ZNF138: variants seen among roughly 807,000 people sequenced by gnomAD.
The protein encoded by ZNF138 is zinc finger protein 138 (clone pHZ-32).
In ZNF138, 33 loss-of-function variants were observed where a neutral mutation model predicts 33.0. The observed-to-expected ratio is 1.00, with a 90% confidence interval of 0.76 to 1.34. ZNF138 has a LOEUF of 1.34. Ranked by LOEUF, ZNF138 falls within the 40% of genes most tolerant of loss-of-function variation. The pLI is 0.00. For synonymous variants in ZNF138, 139 were observed against 120.4 expected, an observed-to-expected ratio of 1.15 and a Z score of -1.01; for missense variants, 360 against 370.8, an observed-to-expected ratio of 0.97 and a Z score of 0.24.
rs979256869 is a variant in ZNF138, at chr7:64,832,957, C to T, written c.*755C>T. On this transcript the variant is annotated 3_prime_UTR_variant, in exon 4 of 4. Transcript: ENST00000307355. ...TGTGGCAGTTGTTTTAACTAGTTCT[C>T]GAACTTTACTATGCATAAGAAAATT... 5.6e-5 allele frequency: 22 copies of T among 390,316 alleles called. No individual in the cohort carries two copies. The highest frequency in any genetic ancestry group is 3.7e-4 in the South Asian group (18 of 48,628). The allele number at this position is 390,316 out of a possible 1,614,324, so 24.2% of individuals were successfully genotyped here.
downstream of ZNF138, chr7:64,835,972 C>T (rs1790354676): frequency 6.6e-6 from 1 of 152,184 alleles, no homozygotes; most frequent in Non-Finnish European, 1.5e-5. Context: ...TAGGGTCAGG[C>T]TAGGGATGAG....
At chr7:64,853,278 A>G in the ZNF138 span, 2 of 1,611,874 alleles carry the variant, frequency 1.2e-6, no homozygotes, top group African/African-American at 2.7e-5. Flanking sequence ...TGTGCCCTTC[A>G]GTTCAGTGAA....
rs556121086 is a variant in ZNF138, at chr7:64,827,393, C to T, written c.209-4058C>T. Reference sequence around the variant, plus strand: ...CCGAGTAGCTGGGACTACAGGCACCCGCCACCACGCCTGGCTAATTTTTTG... The same window carrying T: ...CCGAGTAGCTGGGACTACAGGCACCTGCCACCACGCCTGGCTAATTTTTTG... On this transcript the variant is annotated intron_variant, in intron 3 of 3. Transcript: ENST00000307355. Among the ~76,000 whole-genome samples, 7 of 152,070 alleles carry T rather than the reference C, an allele frequency of 4.6e-5. No individual in the cohort carries two copies. The East Asian group carries it at 7.8e-4, about 17-fold the overall frequency.
At chr7:64,830,829 T>G in intron 3 of ZNF138, 6 of 1,218,856 alleles carry the variant, frequency 4.9e-6, no homozygotes, top group Non-Finnish European at 6.6e-6. Flanking sequence ...CTTTCAGACA[T>G]GTTCTTAGGA....
intron 1 of ZNF138, among the ~76,000 whole-genome samples, chr7:64,812,357 G>A (rs1404109996): frequency 1.3e-5 from 2 of 151,728 alleles, no homozygotes; most frequent in African/African-American, 2.4e-5. Flanking sequence ...AGAAGGTTTC[G>A]CCATGTTGGC....
At position 64,821,571 on chromosome 7, in the gene ZNF138, C is replaced by T. The variant is rs935624791; in HGVS notation, c.208+5918C>T. ...TTTTTGTTTGTTTGTTTTCGAGACA[C>T]AGTCTCACTTTGTTGCCCAGGCTAG... On this transcript the variant is annotated intron_variant, in intron 3 of 3. Transcript: ENST00000307355. Among the ~76,000 whole-genome samples, 16 of 151,366 alleles carry T rather than the reference C, an allele frequency of 1.1e-4. 1 individual carries two copies. The highest frequency in any genetic ancestry group is 3.9e-4 in the African/African-American group (16 of 40,784).
At chr7:64,803,781 A>G (rs1021297942) in intron 1 of ZNF138, among the ~76,000 whole-genome samples, 1 of 140,338 alleles carries the variant, frequency 7.1e-6, no homozygotes, top group Admixed American at 7.1e-5. Context: ...TAAATAGTAC[A>G]TTAAAATTAT....
chr7:64,817,195 A>T (rs10282236), intron 3 of ZNF138, among the ~76,000 whole-genome samples: 4 of 152,282 alleles, frequency 2.6e-5, no homozygotes, highest in East Asian at 3.9e-4. Flanking sequence ...AGTCATTGAA[A>T]TGCTTCAGGG....
At chr7:64,831,027 G>A (rs118016824) in intron 3 of ZNF138, 17,577 of 1,551,822 alleles carry the variant, frequency 0.011, 404 homozygotes, top group Admixed American at 0.1. Flanking sequence ...TATGTCATGG[G>A]AAACAGAAAC....
the ZNF138 span, among the ~76,000 whole-genome samples, chr7:64,848,566 A>T: frequency 6.6e-6 from 1 of 150,490 alleles, no homozygotes. Flanking sequence ...TATTTTTTTT[A>T]TTTTCCTAAG....
At chr7:64,822,312 T>A (rs1171462277) in intron 3 of ZNF138, among the ~76,000 whole-genome samples, 1 of 151,658 alleles carries the variant, frequency 6.6e-6, no homozygotes, top group Non-Finnish European at 1.5e-5. Flanking sequence ...CTAGTGTAGT[T>A]CAATTTTTCT....
the ZNF138 span, among the ~76,000 whole-genome samples, chr7:64,842,252 C>T: frequency 1.5e-4 from 23 of 152,116 alleles, no homozygotes; most frequent in African/African-American, 5.3e-4. Context: ...TTAGTACAGA[C>T]GTGGTTTCAC....
At chr7:64,821,951 C>T (rs1391609808) in intron 3 of ZNF138, among the ~76,000 whole-genome samples, 3 of 120,370 alleles carry the variant, frequency 2.5e-5, no homozygotes, top group Non-Finnish European at 4.8e-5. Flanking sequence ...CAGAGTCTGG[C>T]TCCGTCACCC....
At chr7:64,831,008 TC>T (rs1451618908) in intron 3 of ZNF138, 1 of 1,551,830 alleles carries the variant, frequency 6.4e-7, no homozygotes, top group African/African-American at 1.4e-5. Context: ...GCCATTTGTT[TC>T]AGCACTTTAT....
At position 64,808,788 on chromosome 7, in the gene ZNF138, A is replaced by G. The variant is rs1485341390; in HGVS notation, c.4-6130A>G. 6.1e-5 allele frequency among the ~76,000 whole-genome samples: 8 copies of G among 130,396 alleles called. 2 individuals are homozygous for G. In the South Asian group the frequency reaches 1.8e-3, roughly 29 times the overall value. 85.5% of individuals were successfully genotyped at this position (130,396 alleles called of 152,430 possible). ...GGGTACTTGAGATTAGGGAGTGGTG[A>G]TGACTCTTAGCTGCCTTCAAGCATC... On this transcript the variant is annotated intron_variant, in intron 1 of 3. Transcript: ENST00000307355.
chr7:64,804,258 T>G (rs1456970207), intron 1 of ZNF138, among the ~76,000 whole-genome samples: 1 of 152,100 alleles, frequency 6.6e-6, no homozygotes, highest in East Asian at 1.9e-4. Flanking sequence ...TCACAGACAT[T>G]GTATAGAAAA....
intron 1 of ZNF138, among the ~76,000 whole-genome samples, chr7:64,802,708 A>G (rs941565976): frequency 3.9e-5 from 6 of 152,168 alleles, no homozygotes; most frequent in African/African-American, 9.7e-5. Flanking sequence ...CAGTTCCTAA[A>G]TAAGATGGCT....
At chr7:64,847,184 A>G in the ZNF138 span, among the ~76,000 whole-genome samples, 4 of 151,768 alleles carry the variant, frequency 2.6e-5, no homozygotes, top group Non-Finnish European at 5.9e-5. Flanking sequence ...GAACTTTTGC[A>G]TCTGTAGGCT....
chr7:64,834,634 G>T (rs1239974740), downstream of ZNF138, among the ~76,000 whole-genome samples: 3 of 152,126 alleles, frequency 2.0e-5, no homozygotes, highest in South Asian at 2.1e-4. Context: ...CTGCATCAAA[G>T]GTATGAGAGA....
Sources: allele counts gnomAD v4.1 joint callset (sites outside exome capture counted in the v4.1 genomes callset), GRCh38; gene constraint gnomAD v4.1.1; transcripts MANE v1.5; gene names NCBI Gene and HGNC (gene_info 2026-07-23, HGNC 2026-07-21).